Variants in CYRIA observed in about 807,000 individuals in gnomAD.
The protein encoded by CYRIA is CYFIP related Rac1 interactor A.
Under a neutral mutation model 43.9 loss-of-function variants are expected in CYRIA, and 15 were observed. The observed-to-expected ratio is 0.34, with a 90% confidence interval of 0.23 to 0.53. CYRIA has a LOEUF of 0.53. Among genes scored for constraint, CYRIA ranks in the 20% least tolerant of loss-of-function variants. The pLI, the probability that CYRIA is intolerant of heterozygous loss-of-function variation, is 0.94. For synonymous variants in CYRIA, 117 were observed against 136.0 expected (o/e 0.86, Z 0.97); for missense variants, 236 against 394.2 (o/e 0.60, Z 3.40).
intron 1 of CYRIA, among the ~76,000 whole-genome samples, chr2:16,652,673 C>G (rs1722430): frequency 0.059 from 8,991 of 152,230 alleles, 343 homozygotes; most frequent in Middle Eastern, 0.12. Context: ...GGCTGAAATC[C>G]TGACACACTT....
intron 3 of CYRIA, among the ~76,000 whole-genome samples, chr2:16,574,280 A>T (rs1174814028): frequency 6.6e-6 from 1 of 152,230 alleles, no homozygotes; most frequent in African/African-American, 2.4e-5. Flanking sequence ...GCAGCAAAGC[A>T]TTCAAGATGT....
chr2:16,585,560 T>C (rs1319735471), intron 3 of CYRIA, among the ~76,000 whole-genome samples: 2 of 152,194 alleles, frequency 1.3e-5, no homozygotes, highest in African/African-American at 4.8e-5. Context: ...ACTATAGCTC[T>C]AGCCCCAGTA....
chr2:16,582,359 T>G (rs552452621), intron 3 of CYRIA, among the ~76,000 whole-genome samples: 1 of 152,368 alleles, frequency 6.6e-6, no homozygotes, highest in African/African-American at 2.4e-5. Context: ...TGTTGAGATT[T>G]AATTCACGTG....
rs547922728 is a variant in CYRIA, at chr2:16,644,780, T to G, written c.-166-20761A>C. ...CCTTCTTCTACCTTTGCGGGAGTCT[T>G]TAACATGCAAGGGGGTCAATTATTG... On this transcript the variant is annotated intron_variant, in intron 1 of 11. Coordinates refer to ENST00000381323, the MANE Select transcript of CYRIA (RefSeq NM_030797.4). 1.1e-4 allele frequency among the ~76,000 whole-genome samples: 17 copies of G among 152,238 alleles called. No homozygotes were observed. In the East Asian group the frequency reaches 2.9e-3, roughly 26 times the overall value.
intron 11 of CYRIA, 51 bp downstream of exon 11, chr2:16,555,018 G>A: frequency 6.9e-7 from 1 of 1,458,702 alleles, no homozygotes; most frequent in Non-Finnish European, 9.6e-7. Flanking sequence ...ATTTGCAATG[G>A]CCCTGAAAGG....
At chr2:16,636,542 C>T (rs1429036529) in intron 1 of CYRIA, among the ~76,000 whole-genome samples, 5 of 152,086 alleles carry the variant, frequency 3.3e-5, no homozygotes, top group Non-Finnish European at 5.9e-5. Context: ...GGCCCGGTCC[C>T]GAGTTTCTTA....
intron 2 of CYRIA, among the ~76,000 whole-genome samples, chr2:16,610,501 G>A (rs1385561354): frequency 3.3e-5 from 5 of 152,146 alleles, no homozygotes; most frequent in African/African-American, 1.2e-4. Context: ...GCATTAGGTT[G>A]CCTGAATACA....
intron 2 of CYRIA, among the ~76,000 whole-genome samples, chr2:16,605,719 C>T (rs1187969722): frequency 1.3e-5 from 2 of 152,196 alleles, no homozygotes; most frequent in Non-Finnish European, 2.9e-5. Context: ...TTGGGCTGTT[C>T]TGATAGTGAA....
intron 2 of CYRIA, among the ~76,000 whole-genome samples, chr2:16,605,416 T>C (rs1409775786): frequency 6.6e-6 from 1 of 152,246 alleles, no homozygotes. Flanking sequence ...GGGAAGTCAC[T>C]AGTGAATCTG....
intron 2 of CYRIA, among the ~76,000 whole-genome samples, chr2:16,602,375 G>C (rs1024588465): frequency 2.0e-5 from 3 of 150,318 alleles, no homozygotes; most frequent in African/African-American, 7.3e-5. Context: ...TTTTTTTTTT[G>C]GCAACATAGC....
intron 1 of CYRIA, among the ~76,000 whole-genome samples, chr2:16,633,475 G>A (rs181837589): frequency 6.8e-4 from 102 of 150,438 alleles, no homozygotes; most frequent in South Asian, 2.3e-3. Context: ...GTTCAGTGGC[G>A]TGATCTTGGC....
At chr2:16,601,632 T>A (rs902556904) in intron 2 of CYRIA, among the ~76,000 whole-genome samples, 2 of 151,310 alleles carry the variant, frequency 1.3e-5, no homozygotes, top group African/African-American at 4.9e-5. Context: ...ACCACTTCTA[T>A]GAGAGTTGGC....
chr2:16,651,566 C>T (rs942930700), intron 1 of CYRIA, among the ~76,000 whole-genome samples: 7 of 152,174 alleles, frequency 4.6e-5, no homozygotes, highest in African/African-American at 1.7e-4. Flanking sequence ...GGGTCCCGCA[C>T]AGGCATGTGA....
chr2:16,606,611 C>T (rs73211573), intron 2 of CYRIA, among the ~76,000 whole-genome samples: 2,865 of 151,500 alleles, frequency 0.019, 79 homozygotes, highest in African/African-American at 0.056. Flanking sequence ...TTTCATTCCA[C>T]AGGCAACTGT....
intron 2 of CYRIA, among the ~76,000 whole-genome samples, chr2:16,589,625 TTG>T (rs1667851963): frequency 6.6e-6 from 1 of 152,080 alleles, no homozygotes; most frequent in Admixed American, 6.6e-5. Context: ...TTTCATCAAG[TTG>T]TGAGAATTAA....
intron 1 of CYRIA, chr2:16,625,898 G>T (rs558976039): frequency 5.9e-5 from 9 of 151,872 alleles, no homozygotes; most frequent in Middle Eastern, 3.4e-3. Context: ...GACTGGGATG[G>T]ATTCACTCAG....
intron 1 of CYRIA, among the ~76,000 whole-genome samples, chr2:16,630,659 C>T (rs926337819): frequency 6.6e-6 from 1 of 152,170 alleles, no homozygotes; most frequent in East Asian, 1.9e-4. Flanking sequence ...CTCCTTGAGA[C>T]TGCATTTTAG....
chr2:16,589,899 G>A (rs576882277), intron 2 of CYRIA, among the ~76,000 whole-genome samples: 1 of 152,060 alleles, frequency 6.6e-6, no homozygotes, highest in African/African-American at 2.4e-5. Flanking sequence ...TAAGTCACTT[G>A]CCTAGTGAAA....
intron 11 of CYRIA, 78 bp downstream of exon 11, chr2:16,554,991 T>C: frequency 8.9e-7 from 1 of 1,122,702 alleles, no homozygotes. Flanking sequence ...TTTGGTGCTA[T>C]CCACAACAGT....
Sources: gnomAD v4.1 joint callset for allele counts (sites outside exome capture counted in the v4.1 genomes callset) on GRCh38, gnomAD v4.1.1 for gene constraint, MANE v1.5 for transcripts, NCBI Gene and HGNC (gene_info 2026-07-23, HGNC 2026-07-21) for gene names.